Variants in KCNT2 observed in about 807,000 individuals in gnomAD.
The protein encoded by KCNT2 is potassium channel subfamily T member 2.
A neutral mutation model predicts 153.8 loss-of-function variants in KCNT2; 67 were observed. The ratio of observed to expected loss-of-function variants is 0.44; its 90% CI spans 0.36 to 0.53. The LOEUF (loss-of-function observed/expected upper bound fraction) is 0.53, where lower values mean the gene tolerates loss of function less well. Ranked by LOEUF, KCNT2 falls within the 20% of genes least tolerant of loss-of-function variation. The pLI is 0.00. For synonymous variants in KCNT2, 500 were observed against 458.8 expected, an observed-to-expected ratio of 1.09 and a Z score of -1.15; for missense variants, 975 against 1,354.8, an observed-to-expected ratio of 0.72 and a Z score of 4.40.
At chr1:196,476,007 T>C (rs936843331) in intron 5 of KCNT2, among the ~76,000 whole-genome samples, 4 of 152,220 alleles carry the variant, frequency 2.6e-5, no homozygotes, top group Non-Finnish European at 4.4e-5. Flanking sequence ...TTATAAGCAA[T>C]AATTGATTAT....
intron 1 of KCNT2, among the ~76,000 whole-genome samples, chr1:196,523,063 A>G (rs1413666839): frequency 6.6e-6 from 1 of 152,128 alleles, no homozygotes; most frequent in African/African-American, 2.4e-5. Flanking sequence ...GGTCCACACT[A>G]CCTTTTTGAG....
rs1003722894 is a variant in KCNT2 at position 196,392,089 on chromosome 1, A to C, written c.1294+6474T>G. ...TGCTTAAGAGAGCTCCGCTGATATA[A>C]AAATATGTGTGTATTTAGGTATGCG... On this transcript the variant is annotated intron_variant, in intron 13 of 27. Coordinates refer to ENST00000294725, the MANE Select transcript of KCNT2 (RefSeq NM_198503.5). 2.6e-5 allele frequency among the ~76,000 whole-genome samples: 4 copies of C among 151,376 alleles called. 1 individual carries two copies. In the Admixed American group the frequency reaches 2.6e-4, roughly 10 times the overall value.
intron 18 of KCNT2, among the ~76,000 whole-genome samples, chr1:196,328,338 A>G (rs1470172837): frequency 2.0e-5 from 3 of 152,222 alleles, no homozygotes; most frequent in Non-Finnish European, 4.4e-5. Flanking sequence ...GAGAAGAAAA[A>G]AAACAGAACC....
chr1:196,391,259 AC>A (rs1434031504), intron 13 of KCNT2, among the ~76,000 whole-genome samples: 3 of 151,482 alleles, frequency 2.0e-5, no homozygotes, highest in Non-Finnish European at 4.4e-5. Context: ...GACACCTATT[AC>A]ATCTTCTTCA....
At chr1:196,388,123 A>G (rs1216392681) in intron 13 of KCNT2, among the ~76,000 whole-genome samples, 1 of 151,558 alleles carries the variant, frequency 6.6e-6, no homozygotes, top group Admixed American at 6.6e-5. Flanking sequence ...CAAGATATAC[A>G]TTTTTTCCAG....
At chr1:196,375,206 CAG>C (rs1668855437) in intron 13 of KCNT2, among the ~76,000 whole-genome samples, 1 of 151,240 alleles carries the variant, frequency 6.6e-6, no homozygotes, top group African/African-American at 2.4e-5. Flanking sequence ...CTGTACTAAT[CAG>C]AGAAAATTAG....
chr1:196,379,589 CT>C (rs1669298429), intron 13 of KCNT2, among the ~76,000 whole-genome samples: 2 of 151,662 alleles, frequency 1.3e-5, no homozygotes, highest in African/African-American at 4.8e-5. Context: ...CTCTCTCTCT[CT>C]CTCTCTCTCT....
At chr1:196,396,555 T>C (rs920320334) in intron 13 of KCNT2, among the ~76,000 whole-genome samples, 4 of 151,328 alleles carry the variant, frequency 2.6e-5, no homozygotes, top group African/African-American at 9.7e-5. Flanking sequence ...TATGGTATTG[T>C]TTTGAGAGCT....
At chr1:196,601,231 C>G (rs553143613) in intron 1 of KCNT2, among the ~76,000 whole-genome samples, 1 of 152,192 alleles carries the variant, frequency 6.6e-6, no homozygotes, top group Non-Finnish European at 1.5e-5. Flanking sequence ...GATCTCAACA[C>G]AGATTTCTTT....
chr1:196,257,265 G>T lies in KCNT2; in HGVS notation c.3211+929C>A, dbSNP rs1656597640. On this transcript the variant is annotated intron_variant, in intron 26 of 27. Transcript: ENST00000294725. ...TAGAGTAGTGCTAACTTAATATGTG[G>T]GTTTTTTCCTTATTCAAAGAAACAG... The T allele has an allele frequency of 3.0e-6, 3 of 984,690 alleles. No individual in the cohort carries two copies. In the South Asian group the frequency reaches 1.4e-4, roughly 46 times the overall value. 61.0% of individuals were successfully genotyped at this position (984,690 alleles called of 1,614,324 possible). A position where few individuals can be genotyped will look rare whatever the true frequency, so the allele number is the denominator to read the frequency against.
chr1:196,290,633 C>T (rs1660104378), intron 22 of KCNT2, among the ~76,000 whole-genome samples: 1 of 151,490 alleles, frequency 6.6e-6, no homozygotes, highest in Admixed American at 6.6e-5. Flanking sequence ...TTATATATCA[C>T]CACTTATTTT....
intron 8 of KCNT2, among the ~76,000 whole-genome samples, chr1:196,432,588 C>T (rs1178404537): frequency 1.3e-5 from 2 of 152,088 alleles, no homozygotes; most frequent in African/African-American, 4.8e-5. Flanking sequence ...TGTTGGATTT[C>T]CAACTTAATT....
intron 13 of KCNT2, among the ~76,000 whole-genome samples, chr1:196,378,142 C>G (rs1297949033): frequency 1.3e-5 from 2 of 152,096 alleles, no homozygotes; most frequent in Non-Finnish European, 2.9e-5. Flanking sequence ...AGAGAAGAAT[C>G]AAGGTTTAAT....
At chr1:196,362,482 G>C (rs1453979370) in intron 14 of KCNT2, among the ~76,000 whole-genome samples, 2 of 152,062 alleles carry the variant, frequency 1.3e-5, no homozygotes, top group African/African-American at 2.4e-5. Context: ...AACATTGAAG[G>C]CTTCTGTCTG....
rs1653452695 is a variant in KCNT2 at position 196,225,861 on chromosome 1, G to C, written c.*2363C>G. ...AGCAAAATGGTACAGACAATAAACAGAATCAATTCCCATTGGGCTACAAGG... is the reference window on the plus strand; with the variant it reads ...AGCAAAATGGTACAGACAATAAACACAATCAATTCCCATTGGGCTACAAGG... On this transcript the variant is annotated 3_prime_UTR_variant, in exon 28 of 28. Transcript: ENST00000294725. 6.6e-6 allele frequency: 1 copy of C among 152,028 alleles called. No homozygotes were observed. The highest frequency in any genetic ancestry group is 1.9e-4 in the East Asian group (1 of 5,192). The allele number at this position is 152,028 out of a possible 1,614,324, so 9.4% of individuals were successfully genotyped here. A position where few individuals can be genotyped will look rare whatever the true frequency, so the allele number is the denominator to read the frequency against.
At chr1:196,244,626 G>C (rs935874219) in intron 26 of KCNT2, among the ~76,000 whole-genome samples, 1 of 152,172 alleles carries the variant, frequency 6.6e-6, no homozygotes, top group Non-Finnish European at 1.5e-5. Flanking sequence ...TATAGGAAGG[G>C]GAGGGAAGAG....
chr1:196,336,471 T>C (rs757570570), intron 16 of KCNT2, among the ~76,000 whole-genome samples: 1 of 152,174 alleles, frequency 6.6e-6, no homozygotes. Context: ...CCATGGCCTA[T>C]AATTATATAC....
chr1:196,267,822 A>G (rs1657693579), intron 25 of KCNT2, among the ~76,000 whole-genome samples: 1 of 152,092 alleles, frequency 6.6e-6, no homozygotes, highest in Non-Finnish European at 1.5e-5. Context: ...CTCTATAGGA[A>G]AGGGCCAAAC....
In KCNT2 at chr1:196,425,998, A is replaced by G. The variant is rs905365757; in HGVS notation, c.985-10T>C. The G allele has an allele frequency of 3.7e-6, 6 of 1,609,364 alleles. No homozygotes were observed. The African/African-American group carries it at 8.0e-5, about 22-fold the overall frequency. ...TCACCACATAATAATCCTATTCAAAACAAAATGGGCAATGGAATAGAAACA... is the reference window on the plus strand; with the variant it reads ...TCACCACATAATAATCCTATTCAAAGCAAAATGGGCAATGGAATAGAAACA... On this transcript the variant is annotated splice_polypyrimidine_tract_variant and intron_variant, in intron 10 of 27. Transcript: ENST00000294725.
Sources: allele counts gnomAD v4.1 joint callset (sites outside exome capture counted in the v4.1 genomes callset), GRCh38; gene constraint gnomAD v4.1.1; transcripts MANE v1.5; gene names NCBI Gene and HGNC (gene_info 2026-07-23, HGNC 2026-07-21).